Variants in PLS3 observed in about 807,000 individuals in gnomAD.
PLS3 encodes plastin-3.
Under a neutral mutation model 46.5 loss-of-function variants are expected in PLS3, and 11 were observed. That is an observed-to-expected ratio of 0.24 (90% confidence interval 0.15 to 0.39). PLS3 has a LOEUF of 0.39. Ranked by LOEUF, PLS3 falls within the 10% of genes least tolerant of loss-of-function variation. The pLI is 1.00. For synonymous variants in PLS3, 167 were observed against 162.2 expected, an observed-to-expected ratio of 1.03 and a Z score of -0.22; for missense variants, 308 against 461.8, an observed-to-expected ratio of 0.67 and a Z score of 3.05.
intron 5 of PLS3, among the ~76,000 whole-genome samples, chrX:115,632,774 G>A (rs1390264379): frequency 9.1e-6 from 1 of 109,704 alleles, no homozygotes; most frequent in Non-Finnish European, 1.9e-5. Flanking sequence ...TTTGAGACAG[G>A]GTCTTGCTGT....
At chrX:115,624,088 G>C (rs912507714) in intron 3 of PLS3, among the ~76,000 whole-genome samples, 2 of 109,954 alleles carry the variant, frequency 1.8e-5, no homozygotes, top group Non-Finnish European at 3.8e-5. Context: ...AACTATCTGG[G>C]CGTGGTGGTG....
At chrX:115,594,099 G>T (rs1556633484) in intron 1 of PLS3, among the ~76,000 whole-genome samples, 1 of 111,358 alleles carries the variant, frequency 9.0e-6, no homozygotes, top group African/African-American at 3.3e-5. Flanking sequence ...AACATGTCAC[G>T]ATTAGATTGA....
At chrX:115,648,163 G>A in intron 15 of PLS3, 146 bp downstream of exon 15, 1 of 430,601 alleles carries the variant, frequency 2.3e-6, no homozygotes, top group Non-Finnish European at 4.0e-6. Flanking sequence ...TAAACTGGGG[G>A]CAATAATACT....
At chrX:115,591,773 A>G (rs1458795643) in intron 1 of PLS3, among the ~76,000 whole-genome samples, 2 of 112,540 alleles carry the variant, frequency 1.8e-5, no homozygotes, top group Non-Finnish European at 3.8e-5. Flanking sequence ...GGCCACAGGC[A>G]GATAGTTCTA....
chrX:115,600,424 G>C (rs2074431655), intron 1 of PLS3, among the ~76,000 whole-genome samples: 1 of 111,233 alleles, frequency 9.0e-6, no homozygotes, highest in Non-Finnish European at 1.9e-5. Flanking sequence ...ACCACCCTCA[G>C]CCTCAGTTGG....
intron 1 of PLS3, among the ~76,000 whole-genome samples, chrX:115,572,559 T>C (rs2074222741): frequency 9.0e-6 from 1 of 111,166 alleles, no homozygotes; most frequent in African/African-American, 3.3e-5. Context: ...CTTAAGTATA[T>C]ATTAAGATGG....
intron 1 of PLS3, among the ~76,000 whole-genome samples, chrX:115,571,363 C>G (rs2074214816): frequency 9.0e-6 from 1 of 110,887 alleles, no homozygotes; most frequent in African/African-American, 3.3e-5. Flanking sequence ...ACTAAATATA[C>G]AAAAATTAGC....
chrX:115,620,706 CTTTTT>C (rs1176959674), intron 2 of PLS3, among the ~76,000 whole-genome samples: 1 of 54,732 alleles, frequency 1.8e-5, no homozygotes, highest in Non-Finnish European at 3.1e-5. Flanking sequence ...TTTTTCTTTT[CTTTTT>C]TTTTTTTTTT....
chrX:115,587,422 A>G (rs1004373759), intron 1 of PLS3, among the ~76,000 whole-genome samples: 3 of 112,197 alleles, frequency 2.7e-5, no homozygotes, highest in African/African-American at 9.7e-5. Context: ...GTTGTGAGCT[A>G]AACTAGCTGC....
At chrX:115,561,767 C>T (rs189885515) in intron 1 of PLS3, among the ~76,000 whole-genome samples, 353 of 111,010 alleles carry the variant, frequency 3.2e-3, no homozygotes, top group Non-Finnish European at 5.4e-3. Flanking sequence ...ACGCCCGCCT[C>T]GGGTGACCTG....
intron 1 of PLS3, among the ~76,000 whole-genome samples, chrX:115,606,340 G>T (rs1478525513): frequency 9.3e-6 from 1 of 108,033 alleles, no homozygotes; most frequent in East Asian, 2.9e-4. Context: ...GTTTCACCAC[G>T]TTGGCCAGGC....
At chrX:115,623,569 T>G (rs1556637992) in intron 3 of PLS3, among the ~76,000 whole-genome samples, 1 of 111,766 alleles carries the variant, frequency 8.9e-6, no homozygotes, top group Non-Finnish European at 1.9e-5. Context: ...AGTTGTTGCT[T>G]CTTCCCTCAA....
At chrX:115,614,373 C>T in intron 2 of PLS3, 2 of 750,401 alleles carry the variant, frequency 2.7e-6, no homozygotes, top group Non-Finnish European at 3.1e-6. Context: ...TTTTGATTGC[C>T]TGGTCTCACC....
At chrX:115,640,117 A>G (rs1439749647) in intron 8 of PLS3, 1 of 1,125,547 alleles carries the variant, frequency 8.9e-7, no homozygotes, top group African/African-American at 1.8e-5. Context: ...AAGCTTATTG[A>G]CTTCAGTAAT....
In PLS3 at chrX:115,602,459, A is replaced by G. The variant is rs1271726040; in HGVS notation, c.-8-7784A>G. Among the ~76,000 whole-genome samples the G allele has an allele frequency of 3.6e-5, 4 of 111,597 alleles. No individual in the cohort carries two copies. The South Asian group carries it at 1.5e-3, about 43-fold the overall frequency. On this transcript the variant is annotated intron_variant, in intron 1 of 15. Transcript: ENST00000355899. Reference sequence around the variant, plus strand: ...TTTTAGCCCACAGTGTTGCACACCCATCTAAGCTAGAGACTAGTGTTGAGC... The same window carrying G: ...TTTTAGCCCACAGTGTTGCACACCCGTCTAAGCTAGAGACTAGTGTTGAGC...
intron 13 of PLS3, among the ~76,000 whole-genome samples, chrX:115,647,216 C>T (rs782045122): frequency 2.1e-4 from 23 of 111,348 alleles, no homozygotes; most frequent in Non-Finnish European, 4.0e-4. Context: ...GGGTGGATCA[C>T]GAGGTCAGGA....
At chrX:115,628,042 A>C (rs1429151618) in intron 3 of PLS3, among the ~76,000 whole-genome samples, 1 of 112,176 alleles carries the variant, frequency 8.9e-6, no homozygotes, top group Non-Finnish European at 1.9e-5. Flanking sequence ...GATTAATTAC[A>C]AAAAGGTACC....
chrX:115,626,306 C>T (rs1232845923), intron 3 of PLS3, among the ~76,000 whole-genome samples: 5 of 104,312 alleles, frequency 4.8e-5, no homozygotes, highest in South Asian at 4.4e-4. Context: ...TTTTTTGAGA[C>T]GGAGTTTCAC....
chrX:115,567,275 C>G (rs1159594656), intron 1 of PLS3, among the ~76,000 whole-genome samples: 1 of 111,325 alleles, frequency 9.0e-6, no homozygotes, highest in East Asian at 2.8e-4. Context: ...AAGAGATAAT[C>G]TATACATTTA....
Sources: gnomAD v4.1 joint callset for allele counts (sites outside exome capture counted in the v4.1 genomes callset) on GRCh38, gnomAD v4.1.1 for gene constraint, MANE v1.5 for transcripts, NCBI Gene and HGNC (gene_info 2026-07-23, HGNC 2026-07-21) for gene names.